Variants in DNAJC6 observed in about 807,000 individuals in gnomAD.
DNAJC6 encodes auxilin.
DNAJC6 carries 34 observed loss-of-function variants against 110.0 expected under a neutral mutation model. That is an observed-to-expected ratio of 0.31 (90% confidence interval 0.24 to 0.41). The LOEUF is 0.41. DNAJC6 is among the 10% of genes least tolerant of loss of function. The pLI, the probability that DNAJC6 is intolerant of heterozygous loss-of-function variation, is 1.00. For synonymous variants in DNAJC6, 406 were observed against 437.2 expected, an observed-to-expected ratio of 0.93 and a Z score of 0.89; for missense variants, 1,031 against 1,207.8, an observed-to-expected ratio of 0.85 and a Z score of 2.17.
chr1:65,307,298 A>G (rs1247019659), upstream of DNAJC6, among the ~76,000 whole-genome samples: 1 of 151,888 alleles, frequency 6.6e-6, no homozygotes, highest in East Asian at 1.9e-4. Flanking sequence ...TAGGATTATT[A>G]ATAGTTATCC....
At chr1:65,340,451 G>A (rs1179193869) in intron 1 of DNAJC6, among the ~76,000 whole-genome samples, 2 of 152,152 alleles carry the variant, frequency 1.3e-5, no homozygotes, top group East Asian at 1.9e-4. Flanking sequence ...TGCTATTGGC[G>A]ATTGCACTGA....
intron 4 of DNAJC6, among the ~76,000 whole-genome samples, chr1:65,370,100 A>G (rs1412022028): frequency 1.3e-5 from 2 of 152,116 alleles, no homozygotes; most frequent in African/African-American, 4.8e-5. Context: ...TGAGGAAATA[A>G]GAGTACTGAT....
chr1:65,275,094 C>T (rs1205005716), intron 1 of DNAJC6, among the ~76,000 whole-genome samples: 2 of 152,008 alleles, frequency 1.3e-5, no homozygotes, highest in Non-Finnish European at 2.9e-5. Flanking sequence ...TATTAAAGCC[C>T]CATAGGACAC....
intron 4 of DNAJC6, among the ~76,000 whole-genome samples, chr1:65,377,320 G>A (rs1259888656): frequency 6.6e-6 from 1 of 152,154 alleles, no homozygotes; most frequent in Non-Finnish European, 1.5e-5. Context: ...ACAGCAAAAT[G>A]TATCTTCCCA....
intron 1 of DNAJC6, among the ~76,000 whole-genome samples, chr1:65,317,695 C>T (rs1645160744): frequency 6.6e-6 from 1 of 152,136 alleles, no homozygotes; most frequent in Non-Finnish European, 1.5e-5. Flanking sequence ...GTGTGTTTGG[C>T]ATACATTGTA....
intron 1 of DNAJC6, among the ~76,000 whole-genome samples, chr1:65,358,609 T>C (rs1430801669): frequency 6.6e-6 from 1 of 152,232 alleles, no homozygotes; most frequent in Admixed American, 6.5e-5. Context: ...TAAACTGAGA[T>C]AGTTTTCTTT....
At chr1:65,358,784 C>T (rs774961784) in intron 1 of DNAJC6, among the ~76,000 whole-genome samples, 1 of 152,158 alleles carries the variant, frequency 6.6e-6, no homozygotes, top group Non-Finnish European at 1.5e-5. Context: ...AAAAATACAT[C>T]ATTTATAGCC....
At position 65,309,950 on chromosome 1, in the gene DNAJC6, C is replaced by CGAGGG; in HGVS notation, c.193+16_193+20dup. On this transcript the variant is annotated intron_variant, in intron 1 of 18. Transcript: ENST00000371069. ...CATGGACAGCTCAGGTAGCGCTGCC[C>CGAGGG]GAGGGGAGTGCAGCGCTGAGCCCCG... 2 of 1,437,634 alleles carry CGAGGG rather than the reference C, an allele frequency of 1.4e-6. No individual in the cohort carries two copies. The highest frequency in any genetic ancestry group is 2.9e-5 in the South Asian group (2 of 68,038). 89.1% of individuals were successfully genotyped at this position (1,437,634 alleles called of 1,614,324 possible).
chr1:65,365,961 C>A, intron 3 of DNAJC6, 27 bp downstream of exon 3: 2 of 1,613,024 alleles, frequency 1.2e-6, no homozygotes, highest in African/African-American at 1.3e-5. Context: ...TATTAACAGT[C>A]CTTTGGCTCA....
intron 1 of DNAJC6, among the ~76,000 whole-genome samples, chr1:65,295,569 C>G (rs921983392): frequency 6.6e-6 from 1 of 152,160 alleles, no homozygotes; most frequent in African/African-American, 2.4e-5. Context: ...TAAATGTACA[C>G]TATAGCTACT....
At position 65,413,903 on chromosome 1, in the gene DNAJC6, C is replaced by CA. The variant is rs1169470862; in HGVS notation, c.*879dup. ...CCAAGAAAACATTCTTAGTTGGAAA[C>CA]AGGTGGTAAAGTAGTTTGGCCTGTT... On this transcript the variant is annotated 3_prime_UTR_variant, in exon 19 of 19. Transcript: ENST00000371069. The CA allele has an allele frequency of 6.6e-6, 1 of 152,104 alleles. No individual in the cohort carries two copies. Among genetic ancestry groups the CA allele is most frequent in the African/African-American group, 2.4e-5 (1 of 41,422 alleles). 9.4% of individuals were successfully genotyped at this position (152,104 alleles called of 1,614,324 possible).
Position 65,309,948 on chromosome 1 carries a change from C to T in DNAJC6, c.193+10C>T. 6.9e-7 allele frequency: 1 copy of T among 1,440,538 alleles called. No individual in the cohort carries two copies. The highest frequency in any genetic ancestry group is 9.1e-7 in the Non-Finnish European group (1 of 1,097,158). 89.2% of individuals were successfully genotyped at this position (1,440,538 alleles called of 1,614,324 possible). On this transcript the variant is annotated intron_variant, in intron 1 of 18. Transcript: ENST00000371069. Reference sequence around the variant, plus strand: ...ACCATGGACAGCTCAGGTAGCGCTGCCCGAGGGGAGTGCAGCGCTGAGCCC... The same window carrying T: ...ACCATGGACAGCTCAGGTAGCGCTGTCCGAGGGGAGTGCAGCGCTGAGCCC...
chr1:65,276,591 T>G (rs1653683000), intron 1 of DNAJC6, among the ~76,000 whole-genome samples: 1 of 152,074 alleles, frequency 6.6e-6, no homozygotes, highest in African/African-American at 2.4e-5. Context: ...CACCACCCCT[T>G]CCCCTTGACA....
intron 16 of DNAJC6, among the ~76,000 whole-genome samples, chr1:65,407,526 G>T (rs1049780614): frequency 6.6e-6 from 1 of 152,100 alleles, no homozygotes; most frequent in Non-Finnish European, 1.5e-5. Context: ...ACCCTCTACT[G>T]GCTAGAACAC....
chr1:65,278,755 A>C (rs1047798886), intron 1 of DNAJC6, among the ~76,000 whole-genome samples: 7 of 152,174 alleles, frequency 4.6e-5, no homozygotes, highest in Non-Finnish European at 7.4e-5. Flanking sequence ...GAAGCTTGGG[A>C]AGGAAAAATT....
At chr1:65,340,671 T>C (rs1645380571) in intron 1 of DNAJC6, among the ~76,000 whole-genome samples, 1 of 152,130 alleles carries the variant, frequency 6.6e-6, no homozygotes, top group Non-Finnish European at 1.5e-5. Context: ...TTGTAATGAT[T>C]AAGTGTGATA....
chr1:65,291,271 G>T (rs1351409119), intron 1 of DNAJC6, among the ~76,000 whole-genome samples: 2 of 152,182 alleles, frequency 1.3e-5, no homozygotes, highest in Non-Finnish European at 2.9e-5. Context: ...GAACTCAAGT[G>T]ATCCACCCAC....
chr1:65,340,162 C>T (rs1161785437), intron 1 of DNAJC6, among the ~76,000 whole-genome samples: 1 of 152,144 alleles, frequency 6.6e-6, no homozygotes, highest in Non-Finnish European at 1.5e-5. Context: ...TGTTGGTTAA[C>T]CTTATGGGTC....
chr1:65,280,324 A>G (rs115026490), intron 1 of DNAJC6, among the ~76,000 whole-genome samples: 2,167 of 152,064 alleles, frequency 0.014, 48 homozygotes, highest in African/African-American at 0.051. Flanking sequence ...CAGATTATTC[A>G]TATTTTTTTT....
Sources: gnomAD v4.1 joint callset for allele counts (sites outside exome capture counted in the v4.1 genomes callset) on GRCh38, gnomAD v4.1.1 for gene constraint, MANE v1.5 for transcripts, NCBI Gene and HGNC (gene_info 2026-07-23, HGNC 2026-07-21) for gene names.